Variants in LDAH observed in about 807,000 individuals in gnomAD.
The protein encoded by LDAH is lipid droplet-associated hydrolase.
Under a neutral mutation model 29.6 loss-of-function variants are expected in LDAH, and 26 were observed. The ratio of observed to expected loss-of-function variants is 0.88; its 90% CI spans 0.64 to 1.22. LDAH has a LOEUF of 1.22. LDAH is among the 50% of genes most tolerant of loss of function. The pLI is 0.00. For synonymous variants in LDAH, 117 were observed against 133.0 expected, an observed-to-expected ratio of 0.88 and a Z score of 0.83; for missense variants, 344 against 387.3, an observed-to-expected ratio of 0.89 and a Z score of 0.94.
chr2:20,715,209 C>T (rs35141535), intron 5 of LDAH, among the ~76,000 whole-genome samples: 36,837 of 152,080 alleles, frequency 0.24, 4,964 homozygotes, highest in East Asian at 0.36. Flanking sequence ...ATCCCTGGGA[C>T]GCAAGGCTGT....
chr2:20,725,740 G>A (rs1331294637), intron 5 of LDAH, among the ~76,000 whole-genome samples: 1 of 152,204 alleles, frequency 6.6e-6, no homozygotes, highest in Non-Finnish European at 1.5e-5. Context: ...TTCCTAGGGA[G>A]GACATTCTCT....
chr2:20,706,761 T>C (rs1485075131), intron 5 of LDAH, among the ~76,000 whole-genome samples: 1 of 151,278 alleles, frequency 6.6e-6, no homozygotes, highest in East Asian at 1.9e-4. Context: ...ACACTGGATA[T>C]TGGGCAACAA....
intron 3 of LDAH, chr2:20,789,319 G>A (rs951518201): frequency 7.8e-6 from 12 of 1,541,130 alleles, no homozygotes; most frequent in African/African-American, 1.4e-5. Context: ...TGTCCACCAC[G>A]AGAGGACAGC....
chr2:20,761,110 A>G (rs182098107), intron 4 of LDAH, among the ~76,000 whole-genome samples: 53 of 152,294 alleles, frequency 3.5e-4, no homozygotes, highest in African/African-American at 1.3e-3. Context: ...ATAGCTGCTA[A>G]CTCTTGCTGC....
At chr2:20,815,845 G>C (rs490710) in intron 1 of LDAH, among the ~76,000 whole-genome samples, 1 of 151,968 alleles carries the variant, frequency 6.6e-6, no homozygotes, top group Non-Finnish European at 1.5e-5. Flanking sequence ...ACACTGGAAC[G>C]GGTAATAGTC....
At chr2:20,763,059 T>C (rs1273146574) in intron 4 of LDAH, among the ~76,000 whole-genome samples, 4 of 152,206 alleles carry the variant, frequency 2.6e-5, no homozygotes, top group Non-Finnish European at 5.9e-5. Flanking sequence ...AAGAAATTTA[T>C]AGTCCCATTT....
At chr2:20,738,407 C>T (rs1437596211) in intron 5 of LDAH, among the ~76,000 whole-genome samples, 1 of 149,596 alleles carries the variant, frequency 6.7e-6, no homozygotes, top group African/African-American at 2.6e-5. Flanking sequence ...TGCATCCCTC[C>T]TCTTATTTTC....
At chr2:20,713,379 G>A (rs1343509594) in intron 5 of LDAH, among the ~76,000 whole-genome samples, 1 of 152,158 alleles carries the variant, frequency 6.6e-6, no homozygotes, top group Non-Finnish European at 1.5e-5. Context: ...AAGAGCTCCT[G>A]AAGGAAGCAC....
chr2:20,778,652 AACAG>A lies in LDAH; in HGVS notation c.299-3677_299-3674del, dbSNP rs940973499. Among the ~76,000 whole-genome samples the A allele has an allele frequency of 9.2e-5, 14 of 152,172 alleles. No homozygotes were observed. In the East Asian group the frequency reaches 1.5e-3, roughly 17 times the overall value. ...AGGAGATCATAATCTACTAACAGGA[AACAG>A]ACATAGATAAAAACACAATCATTAA... On this transcript the variant is annotated intron_variant, in intron 3 of 6. Coordinates refer to ENST00000237822, the MANE Select transcript of LDAH (RefSeq NM_021925.4).
At chr2:20,713,038 A>C (rs1043729496) in intron 5 of LDAH, among the ~76,000 whole-genome samples, 19 of 152,302 alleles carry the variant, frequency 1.2e-4, no homozygotes, top group Middle Eastern at 3.4e-3. Context: ...AATACAGAGA[A>C]CACCACAAAG....
rs1198826848 is a variant in LDAH, at chr2:20,698,220, A to G, written c.786+3350T>C. On this transcript the variant is annotated intron_variant, in intron 6 of 6. Transcript: ENST00000237822. This position sits in a 1 kb window ranked among gnomAD's most constrained non-coding sequence, Gnocchi z 4.4. ...TTATGCTAGGCCCTAGGGGACATCA[A>G]GACGAAGAAGACACAGCTCCTTACC... Among the ~76,000 whole-genome samples, 6 of 152,232 alleles carry G rather than the reference A, an allele frequency of 3.9e-5. No homozygotes were observed. Among genetic ancestry groups the G allele is most frequent in the African/African-American group, 1.4e-4 (6 of 41,456 alleles).
intron 4 of LDAH, among the ~76,000 whole-genome samples, chr2:20,766,487 A>G (rs2124982044): frequency 6.6e-6 from 1 of 152,328 alleles, no homozygotes; most frequent in East Asian, 1.9e-4. Context: ...ATTCTGGAGA[A>G]AGCTTGCATA....
Position 20,819,964 on chromosome 2 carries a change from C to T in LDAH, c.-3+3073G>A, listed in dbSNP as rs1464845350. Reference sequence around the variant, plus strand: ...CAAAAATCACAAGCATTCTTATACACCAATAACAGACAAACAGAGAGCCAA... The same window carrying T: ...CAAAAATCACAAGCATTCTTATACATCAATAACAGACAAACAGAGAGCCAA... On this transcript the variant is annotated intron_variant, in intron 1 of 6. Transcript: ENST00000237822. Among the ~76,000 whole-genome samples the T allele has an allele frequency of 2.0e-5, 3 of 151,960 alleles. No homozygotes were observed. The East Asian group carries it at 5.8e-4, about 29-fold the overall frequency.
intron 1 of LDAH, among the ~76,000 whole-genome samples, chr2:20,820,521 T>C (rs936976441): frequency 1.3e-5 from 2 of 152,184 alleles, no homozygotes; most frequent in Non-Finnish European, 2.9e-5. Flanking sequence ...GGGAAAGGAT[T>C]CCCTACTTAA....
At chr2:20,716,924 T>G (rs1365553820) in intron 5 of LDAH, among the ~76,000 whole-genome samples, 1 of 149,098 alleles carries the variant, frequency 6.7e-6, no homozygotes, top group Admixed American at 6.7e-5. Flanking sequence ...ACTCCTTACC[T>G]ACATACTGTG....
intron 1 of LDAH, among the ~76,000 whole-genome samples, chr2:20,814,239 G>C (rs1012202184): frequency 7.4e-5 from 11 of 148,574 alleles, no homozygotes; most frequent in East Asian, 4.1e-4. Context: ...TGGGGGGGGG[G>C]GGTCCATGGT....
At chr2:20,773,066 A>C (rs191804888) in intron 4 of LDAH, among the ~76,000 whole-genome samples, 3 of 152,304 alleles carry the variant, frequency 2.0e-5, no homozygotes. Flanking sequence ...GATACACAGC[A>C]ATAGATACCT....
Position 20,706,695 on chromosome 2 carries a change from T to A in LDAH, c.704-5043A>T, listed in dbSNP as rs542560230. 2.3e-4 allele frequency among the ~76,000 whole-genome samples: 33 copies of A among 142,976 alleles called. 1 individual carries two copies. Among genetic ancestry groups the A allele is most frequent in the Admixed American group, 5.0e-4 (7 of 14,020 alleles). 93.8% of individuals were successfully genotyped at this position (142,976 alleles called of 152,430 possible). ...GGATTTACCCTCCTACCTAAAATCC[T>A]GAAACAACTAAAAAAAAAAAAAAAG... On this transcript the variant is annotated intron_variant, in intron 5 of 6. Transcript: ENST00000237822.
intron 5 of LDAH, among the ~76,000 whole-genome samples, chr2:20,716,060 T>C (rs936316214): frequency 2.6e-4 from 40 of 152,098 alleles, no homozygotes; most frequent in Admixed American, 3.9e-4. Flanking sequence ...TGGCGATCAT[T>C]AAAAAATCAG....
Sources: allele counts gnomAD v4.1 joint callset (sites outside exome capture counted in the v4.1 genomes callset), GRCh38; gene constraint gnomAD v4.1.1; non-coding constraint Gnocchi (gnomAD v3.1); transcripts MANE v1.5; gene names NCBI Gene and HGNC (gene_info 2026-07-23, HGNC 2026-07-21).